SRBD1: variants seen among roughly 807,000 people sequenced by gnomAD.
The protein encoded by SRBD1 is S1 RNA-binding domain-containing protein 1.
In SRBD1, 88 loss-of-function variants were observed where a neutral mutation model predicts 115.3. That is an observed-to-expected ratio of 0.76 (90% confidence interval 0.64 to 0.91). The LOEUF (loss-of-function observed/expected upper bound fraction) is 0.91. Among genes scored for constraint, SRBD1 ranks in the 40% least tolerant of loss-of-function variants. The pLI is 0.00. For synonymous variants in SRBD1, 509 were observed against 407.7 expected (o/e 1.25, Z -2.99); for missense variants, 1,385 against 1,177.4 (o/e 1.18, Z -2.58).
chr2:45,503,873 T>C (rs1014080446), intron 14 of SRBD1, among the ~76,000 whole-genome samples: 6 of 152,106 alleles, frequency 3.9e-5, no homozygotes, highest in African/African-American at 1.4e-4. Flanking sequence ...AAGACATATA[T>C]TCTGTAATTC....
chr2:45,553,683 T>C lies in SRBD1; in HGVS notation c.1457A>G (p.Tyr486Cys), dbSNP rs769725065. 2 of 1,608,492 alleles carry C rather than the reference T, an allele frequency of 1.2e-6. No homozygotes were observed. The highest frequency in any genetic ancestry group is 1.1e-5 in the South Asian group (1 of 89,916). The change falls in exon 11 of 21, where the codon TAT (tyrosine) becomes TGT (cysteine). Residue 486 changes from tyrosine (Y) to cysteine (C), a missense_variant. Tyr to Cys is a radical substitution (Grantham distance 194). Coordinates refer to ENST00000263736, the MANE Select transcript of SRBD1 (RefSeq NM_018079.5). ...FARPELMKIL[Y>C]NSLNDSFKRL... is the part of the protein sequence containing the mutation. ...TTTAAAGGAATCATTCAGTGAATTATATAAGATCTTCATTAACTCTGGCCT... is the reference window on the plus strand; with the variant it reads ...TTTAAAGGAATCATTCAGTGAATTACATAAGATCTTCATTAACTCTGGCCT...
intron 14 of SRBD1, among the ~76,000 whole-genome samples, chr2:45,496,526 C>G (rs566980520): frequency 1.3e-5 from 2 of 151,938 alleles, no homozygotes; most frequent in Non-Finnish European, 2.9e-5. Flanking sequence ...TATACTTTGC[C>G]GGCAACAAAC....
At chr2:45,587,740 A>G (rs1673592683) in intron 4 of SRBD1, among the ~76,000 whole-genome samples, 1 of 152,198 alleles carries the variant, frequency 6.6e-6, no homozygotes, top group Non-Finnish European at 1.5e-5. Context: ...ATTAATGCCA[A>G]TTCTGACAAG....
Position 45,414,902 on chromosome 2 carries a change from CA to C in SRBD1, c.2334-1610del, listed in dbSNP as rs1464152014. Among the ~76,000 whole-genome samples, 6 of 105,848 alleles carry C rather than the reference CA, an allele frequency of 5.7e-5. 1 individual carries two copies. Among genetic ancestry groups the C allele is most frequent in the African/African-American group, 1.5e-4 (4 of 27,264 alleles). The allele number at this position is 105,848 out of a possible 152,430, so 69.4% of individuals were successfully genotyped here. A position where few individuals can be genotyped will look rare whatever the true frequency, so the allele number is the denominator to read the frequency against. On this transcript the variant is annotated intron_variant, in intron 18 of 20. Transcript: ENST00000263736. The stretch of plus-strand genomic sequence containing the variant: ...AGTGTGTATATAGTATGTACACACA[CA>C]TATAGTGTGTATATAGTATGTACAC...
At chr2:45,590,617 C>T (rs994053643) in intron 4 of SRBD1, among the ~76,000 whole-genome samples, 2 of 152,148 alleles carry the variant, frequency 1.3e-5, no homozygotes, top group African/African-American at 4.8e-5. Context: ...CCTCTACTTG[C>T]ACTTTTCCCT....
At chr2:45,586,528 A>C (rs1673527404) in intron 4 of SRBD1, among the ~76,000 whole-genome samples, 1 of 152,106 alleles carries the variant, frequency 6.6e-6, no homozygotes, top group South Asian at 2.1e-4. Flanking sequence ...AACATCTTCA[A>C]GCTAATTAAT....
At chr2:45,537,682 G>C (rs1671806946) in intron 14 of SRBD1, among the ~76,000 whole-genome samples, 3 of 152,096 alleles carry the variant, frequency 2.0e-5, no homozygotes, top group Admixed American at 2.0e-4. Context: ...AAGATGATTG[G>C]GATGCTATGC....
Position 45,599,776 on chromosome 2 carries a change from A to G in SRBD1, c.321T>C (p.Thr107=), listed in dbSNP as rs772536378. ...ALEDRKNKLD[T]VQTLKTAKTK... ...TCTTGGCTGTTTTCAGAGTCTGTACAGTATCCAATTTATTTTTTCTGTCTT... is the reference window on the plus strand; with the variant it reads ...TCTTGGCTGTTTTCAGAGTCTGTACGGTATCCAATTTATTTTTTCTGTCTT... Residue 107 remains threonine, a synonymous_variant, in exon 4 of 21, where the codon ACT becomes ACC. Transcript: ENST00000263736. 5.0e-6 allele frequency: 8 copies of G among 1,613,996 alleles called. No homozygotes were observed. The highest frequency in any genetic ancestry group is 2.2e-5 in the East Asian group (1 of 44,900).
rs145191392 is a variant in SRBD1 at position 45,550,858 on chromosome 2, T to C, written c.1675+267A>G. ...ATAATAGAATCTGATGGGGAATTAATAGAGTTCAAGTCCGAGCCTAATTAA... is the reference window on the plus strand; with the variant it reads ...ATAATAGAATCTGATGGGGAATTAACAGAGTTCAAGTCCGAGCCTAATTAA... On this transcript the variant is annotated intron_variant, in intron 12 of 20. Coordinates refer to ENST00000263736, the MANE Select transcript of SRBD1 (RefSeq NM_018079.5). 7.9e-5 allele frequency among the ~76,000 whole-genome samples: 12 copies of C among 152,320 alleles called. No individual in the cohort carries two copies. The East Asian group carries it at 1.5e-3, about 20-fold the overall frequency.
At chr2:45,531,765 T>G (rs550453472) in intron 14 of SRBD1, among the ~76,000 whole-genome samples, 2 of 151,908 alleles carry the variant, frequency 1.3e-5, no homozygotes, top group South Asian at 4.1e-4. Context: ...AAATAAATAT[T>G]CCGTAATACA....
At chr2:45,470,363 T>C (rs1367278672) in intron 16 of SRBD1, among the ~76,000 whole-genome samples, 1 of 152,208 alleles carries the variant, frequency 6.6e-6, no homozygotes, top group East Asian at 1.9e-4. Flanking sequence ...TAATTATTCA[T>C]TATCCACAAT....
At chr2:45,436,505 G>C (rs1268483964) in intron 16 of SRBD1, among the ~76,000 whole-genome samples, 2 of 152,152 alleles carry the variant, frequency 1.3e-5, no homozygotes, top group Non-Finnish European at 2.9e-5. Flanking sequence ...ATTTATGAAG[G>C]AAAGAGGTTT....
At chr2:45,454,413 T>C (rs377037202) in intron 16 of SRBD1, among the ~76,000 whole-genome samples, 2 of 151,986 alleles carry the variant, frequency 1.3e-5, no homozygotes, top group African/African-American at 4.8e-5. Context: ...ATTTAGTGTT[T>C]TGAAAGAACA....
intron 9 of SRBD1, among the ~76,000 whole-genome samples, chr2:45,567,551 G>A (rs1300079685): frequency 3.9e-5 from 6 of 152,014 alleles, no homozygotes; most frequent in East Asian, 3.8e-4. Flanking sequence ...GAAACTTGCA[G>A]TGAGGTGGGA....
chr2:45,552,826 C>T (rs779325224), intron 11 of SRBD1, among the ~76,000 whole-genome samples: 63 of 152,144 alleles, frequency 4.1e-4, no homozygotes, highest in Non-Finnish European at 3.2e-4. Flanking sequence ...CCTGCTCACT[C>T]CCTGCTCTGA....
Position 45,599,493 on chromosome 2 carries a change from T to C in SRBD1, c.604A>G (p.Asn202Asp), listed in dbSNP as rs748122913. The change falls in exon 4 of 21, where the codon AAT becomes GAT. Residue 202 changes from asparagine (N) to aspartate (D), a missense_variant. By Grantham distance (23) the Asn-to-Asp change is conservative (BLOSUM62 1). Transcript: ENST00000263736. ...GQPVKFPANA[N>D]STKEEVEMNW... ...ATTTCCACCTCCTCTTTAGTACTATTGGCATTTGCTGGAAACTTGACAGGC... is the reference window on the plus strand; with the variant it reads ...ATTTCCACCTCCTCTTTAGTACTATCGGCATTTGCTGGAAACTTGACAGGC... 2 of 1,614,210 alleles carry C rather than the reference T, an allele frequency of 1.2e-6. No homozygotes were observed. Among genetic ancestry groups the C allele is most frequent in the Non-Finnish European group, 1.7e-6 (2 of 1,180,026 alleles).
rs757265463 is a variant in SRBD1, at chr2:45,413,189, G to T, written c.2438C>A (p.Ala813Glu). 10 of 1,613,980 alleles carry T rather than the reference G, an allele frequency of 6.2e-6. No individual in the cohort carries two copies. In the African/African-American group the frequency reaches 1.1e-4, roughly 17 times the overall value. Residue 813 changes from alanine (A) to glutamate (E), a missense_variant, in exon 19 of 21, where the codon GCA (alanine) becomes GAA (glutamate). Transcript: ENST00000263736. ...ATTTGGCTTCAGTAAAACATTCACT[G>T]CAGTTTTGCTCTTCTTTTTGCCCTG... ...EKQGKKKSKT[A>E]VNVLLKPNPL... is the part of the protein sequence containing the mutation.
At chr2:45,460,891 G>T (rs984652719) in intron 16 of SRBD1, among the ~76,000 whole-genome samples, 1 of 152,072 alleles carries the variant, frequency 6.6e-6, no homozygotes, top group Non-Finnish European at 1.5e-5. Context: ...CTCAATCTGG[G>T]ACTGTCCATG....
At chr2:45,472,501 C>G (rs1011671728) in intron 16 of SRBD1, among the ~76,000 whole-genome samples, 1 of 152,140 alleles carries the variant, frequency 6.6e-6, no homozygotes, top group African/African-American at 2.4e-5. Context: ...ATGGGGGGGT[C>G]TCACTATGTC....
Sources: allele counts gnomAD v4.1 joint callset (sites outside exome capture counted in the v4.1 genomes callset), GRCh38; gene constraint gnomAD v4.1.1; transcripts MANE v1.5; gene names NCBI Gene and HGNC (gene_info 2026-07-23, HGNC 2026-07-21).